Variants in CLVS2 observed in about 807,000 individuals in gnomAD.
CLVS2 encodes the protein clavesin-2.
In CLVS2, 19 loss-of-function variants were observed where a neutral mutation model predicts 29.0. The ratio of observed to expected loss-of-function variants is 0.66; its 90% CI spans 0.46 to 0.96. The LOEUF is 0.96. Among genes scored for constraint, CLVS2 ranks in the 40% least tolerant of loss-of-function variants. The pLI is 0.00. For synonymous variants in CLVS2, 161 were observed against 151.3 expected (o/e 1.06, Z -0.47); for missense variants, 294 against 404.1 (o/e 0.73, Z 2.34).
chr6:123,048,253 A>T lies in CLVS2; in HGVS notation c.565-369A>T, dbSNP rs1772545632. Among the ~76,000 whole-genome samples the T allele has an allele frequency of 2.6e-5, 4 of 151,936 alleles. No individual in the cohort carries two copies. The South Asian group carries it at 8.3e-4, about 32-fold the overall frequency. ...AATAGATTTTAATATAAATATAAAT[A>T]ATTTAAATGAAACCTTTATAGAATG... On this transcript the variant is annotated intron_variant, in intron 3 of 5. Transcript: ENST00000275162.
At position 123,070,367 on chromosome 6, in the gene CLVS2, C is replaced by T. The variant is rs973055094; in HGVS notation, c.*6606C>T. 2.0e-5 allele frequency: 3 copies of T among 151,906 alleles called. No individual in the cohort carries two copies. Among genetic ancestry groups the T allele is most frequent in the African/African-American group, 7.2e-5 (3 of 41,412 alleles). 9.4% of individuals were successfully genotyped at this position (151,906 alleles called of 1,614,324 possible). On this transcript the variant is annotated 3_prime_UTR_variant, in exon 6 of 6. Transcript: ENST00000275162. ...CAAAACTACATCACATCAGCTAGCTCATGCTGTTGGGTCTTCAAAATATAT... is the reference window on the plus strand; with the variant it reads ...CAAAACTACATCACATCAGCTAGCTTATGCTGTTGGGTCTTCAAAATATAT...
At chr6:123,016,538 CT>C (rs1379540542) in intron 3 of CLVS2, among the ~76,000 whole-genome samples, 1 of 151,960 alleles carries the variant, frequency 6.6e-6, no homozygotes, top group Non-Finnish European at 1.5e-5. Flanking sequence ...GGTCTCTGTG[CT>C]TTTGCCTTCA....
rs1774977113 is a variant in CLVS2, at chr6:123,024,799, A to G, written c.564+13640A>G. Among the ~76,000 whole-genome samples the G allele has an allele frequency of 1.3e-5, 2 of 152,100 alleles. 1 individual carries two copies. The highest frequency in any genetic ancestry group is 1.3e-4 in the Admixed American group (2 of 15,244). On this transcript the variant is annotated intron_variant, in intron 3 of 5. Transcript: ENST00000275162. ...TATGTTGGGTGCAATTACTGTAATG[A>G]GTTGTCACACTTGGAATGGCAGCAT... is the stretch of plus-strand genomic sequence containing the variant.
chr6:122,998,618 A>C (rs934188337), intron 2 of CLVS2, among the ~76,000 whole-genome samples: 1 of 152,192 alleles, frequency 6.6e-6, no homozygotes, highest in Non-Finnish European at 1.5e-5. Flanking sequence ...CTGACGTTTT[A>C]TCTTTTAAGC....
At chr6:123,021,147 C>A (rs1484189573) in intron 3 of CLVS2, among the ~76,000 whole-genome samples, 3 of 151,624 alleles carry the variant, frequency 2.0e-5, no homozygotes, top group Non-Finnish European at 4.4e-5. Flanking sequence ...ACAAATATGA[C>A]TTCAAAATAA....
intron 2 of CLVS2, among the ~76,000 whole-genome samples, chr6:123,006,360 G>A (rs549303684): frequency 2.0e-5 from 3 of 152,288 alleles, no homozygotes; most frequent in Admixed American, 6.5e-5. Flanking sequence ...TTTTGAAAGA[G>A]CCATGGGGGA....
intron 2 of CLVS2, among the ~76,000 whole-genome samples, chr6:123,010,574 A>G (rs1434477895): frequency 2.0e-5 from 3 of 151,992 alleles, no homozygotes; most frequent in Non-Finnish European, 4.4e-5. Flanking sequence ...CAGTGTTTTC[A>G]TTTATTGATG....
chr6:123,011,109 G>A lies in CLVS2; in HGVS notation c.514G>A (p.Ala172Thr). The A allele has an allele frequency of 6.2e-7, 1 of 1,611,130 alleles. No individual in the cohort carries two copies. The highest frequency in any genetic ancestry group is 8.5e-7 in the Non-Finnish European group (1 of 1,178,386). ...CTGGAGTAACTTCACTTTCAAGCAA[G>A]CCTCTAAACTCACACCAAGTATGCT... ...IDWSNFTFKQASKLTPSMLRL... is the reference protein window; with the variant it reads ...IDWSNFTFKQTSKLTPSMLRL... Residue 172 changes from alanine (A) to threonine (T), a missense_variant, in exon 3 of 6, where the codon GCC becomes ACC. Physicochemically the swap from Ala to Thr is moderately conservative, Grantham distance 58. This residue lies in a region of CLVS2 where 212 missense variants were observed against 336.4 expected (regional missense o/e 0.63). Transcript: ENST00000275162.
At position 123,055,817 on chromosome 6, in the gene CLVS2, T is replaced by C. The variant is rs1267913426; in HGVS notation, c.687T>C (p.His229=). Residue 229 remains histidine (H), a synonymous_variant, in exon 5 of 6, where the codon CAT becomes CAC. Transcript: ENST00000275162. ...TCTTGCATTTATAGATATTTTTGCATGGTAACAACCTGAACAGTCTACACC... is the reference window on the plus strand; with the variant it reads ...TCTTGCATTTATAGATATTTTTGCACGGTAACAACCTGAACAGTCTACACC... ...KEKTRKRIFL[H]GNNLNSLHQL... The C allele has an allele frequency of 1.2e-6, 2 of 1,612,836 alleles. No homozygotes were observed. Among genetic ancestry groups the C allele is most frequent in the African/African-American group, 1.3e-5 (1 of 75,008 alleles).
At position 123,071,718 on chromosome 6, in the gene CLVS2, A is replaced by C. The variant is rs903568292; in HGVS notation, c.*7957A>C. 2 of 152,092 alleles carry C rather than the reference A, an allele frequency of 1.3e-5. No homozygotes were observed. Among genetic ancestry groups the C allele is most frequent in the African/African-American group, 2.4e-5 (1 of 41,450 alleles). 9.4% of individuals were successfully genotyped at this position (152,092 alleles called of 1,614,324 possible). On this transcript the variant is annotated 3_prime_UTR_variant, in exon 6 of 6. Coordinates refer to ENST00000275162, the MANE Select transcript of CLVS2 (RefSeq NM_001010852.4). ...TGTTCGTATCTTCTCTGCAACAATT[A>C]TAAAATGAATGAGGAAGTATTTTGG...
intron 3 of CLVS2, among the ~76,000 whole-genome samples, chr6:123,026,634 AAT>A (rs1325889166): frequency 6.6e-6 from 1 of 152,156 alleles, no homozygotes; most frequent in East Asian, 1.9e-4. Flanking sequence ...CTTAGAGAAA[AAT>A]ATCAGACATC....
intron 4 of CLVS2, among the ~76,000 whole-genome samples, chr6:123,053,274 G>A (rs990990685): frequency 6.6e-6 from 1 of 152,128 alleles, no homozygotes; most frequent in Non-Finnish European, 1.5e-5. Flanking sequence ...AACCCAGGAG[G>A]CGGAGGTTGC....
intron 2 of CLVS2, among the ~76,000 whole-genome samples, chr6:123,001,306 G>T (rs1008974626): frequency 6.6e-6 from 1 of 152,146 alleles, no homozygotes; most frequent in South Asian, 2.1e-4. Flanking sequence ...TAAAGAATTG[G>T]ATGATTTCCA....
intron 4 of CLVS2, among the ~76,000 whole-genome samples, chr6:123,053,490 G>T (rs375300085): frequency 7.9e-5 from 12 of 152,238 alleles, no homozygotes; most frequent in Admixed American, 2.6e-4. Flanking sequence ...CCATTGCTAC[G>T]GAGGGTTAAA....
At chr6:123,062,707 A>G (rs1772795835) in intron 5 of CLVS2, among the ~76,000 whole-genome samples, 1 of 151,898 alleles carries the variant, frequency 6.6e-6, no homozygotes, top group Admixed American at 6.6e-5. Flanking sequence ...TTTCATTTGC[A>G]TGTGCAGTTG....
At chr6:123,020,102 A>T (rs1237898986) in intron 3 of CLVS2, among the ~76,000 whole-genome samples, 1 of 152,048 alleles carries the variant, frequency 6.6e-6, no homozygotes, top group Non-Finnish European at 1.5e-5. Context: ...ACCCAGAATA[A>T]TGTTTAACCA....
chr6:123,055,214 A>G (rs928556763), intron 4 of CLVS2, among the ~76,000 whole-genome samples: 2 of 152,234 alleles, frequency 1.3e-5, no homozygotes, highest in Non-Finnish European at 2.9e-5. Context: ...CCTTTGGGAC[A>G]TGAACTTCAC....
At chr6:123,005,668 C>CA (rs1228525309) in intron 2 of CLVS2, among the ~76,000 whole-genome samples, 1 of 151,956 alleles carries the variant, frequency 6.6e-6, no homozygotes, top group Non-Finnish European at 1.5e-5. Context: ...AGGTAGTCAC[C>CA]AAAAAAATTG....
At chr6:123,006,571 C>T (rs926600570) in intron 2 of CLVS2, among the ~76,000 whole-genome samples, 1 of 151,726 alleles carries the variant, frequency 6.6e-6, no homozygotes, top group Admixed American at 6.6e-5. Flanking sequence ...ATATAAAAGA[C>T]AAAAAAATTT....
Sources: allele counts gnomAD v4.1 joint callset (sites outside exome capture counted in the v4.1 genomes callset), GRCh38; gene constraint gnomAD v4.1.1; regional missense constraint gnomAD v4.1.1; transcripts MANE v1.5; gene names NCBI Gene and HGNC (gene_info 2026-07-23, HGNC 2026-07-21).